EPG5: variants seen among roughly 807,000 people sequenced by gnomAD.
EPG5 encodes ectopic P granules protein 5 homolog.
EPG5 carries 159 observed loss-of-function variants against 302.7 expected under a neutral mutation model. The ratio of observed to expected loss-of-function variants is 0.53; its 90% CI spans 0.46 to 0.60. EPG5 has a LOEUF of 0.60. Among genes scored for constraint, EPG5 ranks in the 20% least tolerant of loss-of-function variants. EPG5 has a pLI of 0.00. For missense variants in EPG5, 2,896 were observed against 3,092.4 expected (o/e 0.94, Z 1.51); for synonymous variants, 1,158 against 1,136.8 (o/e 1.02, Z -0.37).
intron 23 of EPG5, among the ~76,000 whole-genome samples, chr18:45,908,779 T>C (rs2049820469): frequency 6.6e-6 from 1 of 152,078 alleles, no homozygotes; most frequent in Non-Finnish European, 1.5e-5. Context: ...TGAAAGCTTG[T>C]CTCTACTAAA....
At chr18:45,857,687 G>T (rs2048543207) in intron 42 of EPG5, 166 bp downstream of exon 42, 3 of 585,782 alleles carry the variant, frequency 5.1e-6, no homozygotes, top group Non-Finnish European at 8.9e-6. Context: ...AGAATGTAAA[G>T]ATGTAATCAG....
chr18:45,923,575 A>G (rs940861123), intron 14 of EPG5, among the ~76,000 whole-genome samples, 188 bp from the exon 15 acceptor site: 92 of 152,226 alleles, frequency 6.0e-4, no homozygotes, highest in African/African-American at 2.1e-3. Context: ...AAGGGCAATA[A>G]CACTGTACCT....
At chr18:45,918,822 G>A (rs558729052) in intron 16 of EPG5, among the ~76,000 whole-genome samples, 19 of 152,166 alleles carry the variant, frequency 1.2e-4, no homozygotes, top group Admixed American at 7.2e-4. Flanking sequence ...AGTTATTTGT[G>A]GAGGCGAATA....
chr18:45,910,651 C>T lies in EPG5; in HGVS notation c.4075G>A (p.Val1359Met). Reference protein sequence around the residue: ...LKEMKRRLTEVADFHHAASKA... With the variant: ...LKEMKRRLTEMADFHHAASKA... The stretch of plus-strand genomic sequence containing the variant: ...CTTGCAGCATGGTGGAAGTCAGCCA[C>T]CTCGGTCAAACGTCTCTTCATTTCT... Residue 1359 changes from valine (V) to methionine (M), a missense_variant, in exon 23 of 44, where the codon GTG becomes ATG. This residue lies in a region of EPG5 where 790 missense variants were observed against 798.0 expected (regional missense o/e 0.99). Transcript: ENST00000282041. The T allele has an allele frequency of 6.2e-7, 1 of 1,614,184 alleles. No individual in the cohort carries two copies. Among genetic ancestry groups the T allele is most frequent in the South Asian group, 1.1e-5 (1 of 91,086 alleles).
In EPG5 at chr18:45,876,339, G is replaced by T; in HGVS notation, c.5946C>A (p.Ser1982Arg). The T allele has an allele frequency of 2.5e-6, 4 of 1,613,038 alleles. No homozygotes were observed. Among genetic ancestry groups the T allele is most frequent in the Non-Finnish European group, 3.4e-6 (4 of 1,179,108 alleles). ...WILVLEDNESSQQRHYPWLES... is the reference protein window; with the variant it reads ...WILVLEDNESRQQRHYPWLES... ...CTAGCCAGGGGTAATGCCGCTGTTGGCTGCTTTAAAGAAAAGAAGCACACA... is the reference window on the plus strand; with the variant it reads ...CTAGCCAGGGGTAATGCCGCTGTTGTCTGCTTTAAAGAAAAGAAGCACACA... The change falls in exon 35 of 44, where the codon AGC becomes AGA. Residue 1982 changes from serine to arginine, a missense_variant. Ser to Arg is a moderately radical substitution (Grantham distance 110). Coordinates refer to ENST00000282041, the MANE Select transcript of EPG5 (RefSeq NM_020964.3).
chr18:45,959,297 G>A (rs1335203904), intron 1 of EPG5, among the ~76,000 whole-genome samples: 1 of 147,528 alleles, frequency 6.8e-6, no homozygotes, highest in Non-Finnish European at 1.5e-5. Flanking sequence ...GCCGAGATCT[G>A]GCCACTGCAT....
chr18:45,885,017 A>C (rs1299447193), intron 29 of EPG5, among the ~76,000 whole-genome samples: 1 of 152,184 alleles, frequency 6.6e-6, no homozygotes, highest in Non-Finnish European at 1.5e-5. Context: ...AAGAATCCAT[A>C]AATCTGATTT....
In EPG5 at chr18:45,954,583, C is replaced by T. The variant is rs1259891625; in HGVS notation, c.819G>A (p.Glu273=). 6.2e-7 allele frequency: 1 copy of T among 1,614,118 alleles called. No homozygotes were observed. Among genetic ancestry groups the T allele is most frequent in the African/African-American group, 1.3e-5 (1 of 74,940 alleles). Residue 273 remains glutamate (E), a synonymous_variant, in exon 2 of 44, where the codon GAG becomes GAA. Coordinates refer to ENST00000282041, the MANE Select transcript of EPG5 (RefSeq NM_020964.3). The part of the protein sequence containing the change: ...LEPGSWLENV[E]SYLEEFDSMA... ...TGCTGTCAAATTCTTCTAAATATGA[C>T]TCAACATTTTCCAGCCATGAACCAG...
At chr18:45,953,542 T>G in intron 2 of EPG5, 1 of 985,346 alleles carries the variant, frequency 1.0e-6, no homozygotes, top group Non-Finnish European at 1.2e-6. Context: ...ACTGCCAAAC[T>G]TGTCAAGAGT....
the EPG5 span, among the ~76,000 whole-genome samples, chr18:45,821,486 C>A: frequency 6.6e-6 from 1 of 152,012 alleles, no homozygotes; most frequent in Non-Finnish European, 1.5e-5. Flanking sequence ...AAATATAAAA[C>A]CCGAAGCTAT....
chr18:45,863,877 G>T (rs1337112096), intron 39 of EPG5, among the ~76,000 whole-genome samples: 2 of 152,122 alleles, frequency 1.3e-5, no homozygotes, highest in African/African-American at 4.8e-5. Flanking sequence ...TCACTATAGT[G>T]TATACAGGTT....
downstream of EPG5, among the ~76,000 whole-genome samples, chr18:45,847,207 G>A (rs2048372478): frequency 6.6e-6 from 1 of 152,204 alleles, no homozygotes; most frequent in Non-Finnish European, 1.5e-5. Context: ...AAATGTGAGT[G>A]AAAAATAACA....
At chr18:45,943,966 G>A (rs1568177514) in intron 8 of EPG5, 39 bp downstream of exon 8, 2 of 1,285,516 alleles carry the variant, frequency 1.6e-6, no homozygotes, top group Non-Finnish European at 2.3e-6. Flanking sequence ...GTTTACACTT[G>A]CCACTACCAC....
intron 10 of EPG5, among the ~76,000 whole-genome samples, chr18:45,937,347 T>C (rs994162862): frequency 6.7e-6 from 1 of 150,200 alleles, no homozygotes; most frequent in Non-Finnish European, 1.5e-5. Context: ...TATATATAGA[T>C]ATACACATAT....
intron 1 of EPG5, among the ~76,000 whole-genome samples, chr18:45,956,788 T>TGAC (rs1401820614): frequency 6.6e-6 from 1 of 151,968 alleles, no homozygotes; most frequent in Non-Finnish European, 1.5e-5. Context: ...TTATATAAGA[T>TGAC]GACGACACAA....
At chr18:45,877,280 G>A (rs1485025478) in intron 34 of EPG5, among the ~76,000 whole-genome samples, 5 of 152,046 alleles carry the variant, frequency 3.3e-5, no homozygotes, top group African/African-American at 4.8e-5. Flanking sequence ...ATAGCTGGAC[G>A]TGGTAGCATG....
intron 1 of EPG5, among the ~76,000 whole-genome samples, chr18:45,962,527 C>T (rs10432160): frequency 0.3 from 45,088 of 152,062 alleles, 9,297 homozygotes; most frequent in African/African-American, 0.57. Context: ...CAGAGAATGA[C>T]ACTAAAGAAA....
the EPG5 span, among the ~76,000 whole-genome samples, chr18:45,804,062 T>C: frequency 2.0e-5 from 3 of 152,212 alleles, no homozygotes; most frequent in Non-Finnish European, 4.4e-5. Flanking sequence ...AATGTGCTTA[T>C]AATGATTAAA....
intron 14 of EPG5, 113 bp downstream of exon 14, chr18:45,925,625 A>T: frequency 2.6e-6 from 2 of 767,470 alleles, no homozygotes; most frequent in Non-Finnish European, 3.8e-6. Flanking sequence ...AGCTACAAAG[A>T]ATTTGTAGAC....
Sources: allele counts gnomAD v4.1 joint callset (sites outside exome capture counted in the v4.1 genomes callset), GRCh38; gene constraint gnomAD v4.1.1; regional missense constraint gnomAD v4.1.1; transcripts MANE v1.5; gene names NCBI Gene and HGNC (gene_info 2026-07-23, HGNC 2026-07-21).